Variants in AP4S1 observed in about 807,000 individuals in gnomAD.
AP4S1 encodes AP-4 complex subunit sigma-1.
A neutral mutation model predicts 19.8 loss-of-function variants in AP4S1; 23 were observed. The observed-to-expected ratio is 1.16, with a 90% CI of 0.84 to 1.65. The LOEUF is 1.65. AP4S1 is among the 40% of genes most tolerant of loss of function. The pLI, the probability that AP4S1 is intolerant of heterozygous loss-of-function variation, is 0.00. For synonymous variants in AP4S1, 46 were observed against 54.1 expected, an observed-to-expected ratio of 0.85 and a Z score of 0.66; for missense variants, 166 against 172.8, an observed-to-expected ratio of 0.96 and a Z score of 0.22.
At chr14:31,036,000 G>A (rs962663066) in intron 1 of AP4S1, among the ~76,000 whole-genome samples, 42 of 152,076 alleles carry the variant, frequency 2.8e-4, no homozygotes, top group African/African-American at 8.7e-4. Flanking sequence ...AAAGTGCTGG[G>A]ATTACAGGCG....
intron 3 of AP4S1, among the ~76,000 whole-genome samples, chr14:31,070,803 A>C (rs910016488): frequency 6.6e-6 from 1 of 152,228 alleles, no homozygotes; most frequent in African/African-American, 2.4e-5. Context: ...CTGAAATCCC[A>C]GCACTTTGGG....
chr14:31,066,862 C>T (rs551292392), intron 2 of AP4S1, among the ~76,000 whole-genome samples: 1 of 152,170 alleles, frequency 6.6e-6, no homozygotes, highest in East Asian at 1.9e-4. Context: ...GATTTAAAAA[C>T]AAAACAAATT....
chr14:31,044,681 A>G (rs559572289), intron 1 of AP4S1, among the ~76,000 whole-genome samples: 2 of 151,796 alleles, frequency 1.3e-5, no homozygotes, highest in Non-Finnish European at 2.9e-5. Context: ...ATTTGTAGAA[A>G]TGGGGTCTTG....
chr14:31,065,545 A>T (rs1241669136), intron 1 of AP4S1, among the ~76,000 whole-genome samples: 1 of 152,268 alleles, frequency 6.6e-6, no homozygotes, highest in African/African-American at 2.4e-5. Flanking sequence ...TTACCCAGCA[A>T]AATGAATGAG....
chr14:31,055,912 C>T (rs1050194984), intron 1 of AP4S1, among the ~76,000 whole-genome samples: 4 of 149,696 alleles, frequency 2.7e-5, no homozygotes, highest in African/African-American at 7.4e-5. Context: ...GGCATGATCT[C>T]GACTCACTGC....
At chr14:31,025,133 A>G (rs1195930751), upstream of AP4S1, 1 of 152,258 alleles carries the variant, frequency 6.6e-6, no homozygotes, top group Non-Finnish European at 1.5e-5. Flanking sequence ...TCATAAATAC[A>G]GCATCGATCG....
intron 1 of AP4S1, chr14:31,026,257 C>T (rs986263044): frequency 1.7e-5 from 23 of 1,332,218 alleles, no homozygotes; most frequent in Non-Finnish European, 2.0e-5. Flanking sequence ...GAGGGTGGCC[C>T]CGCGCTGGCT....
At chr14:31,033,761 A>G (rs1234664224) in intron 1 of AP4S1, among the ~76,000 whole-genome samples, 2 of 152,234 alleles carry the variant, frequency 1.3e-5, no homozygotes, top group Non-Finnish European at 2.9e-5. Flanking sequence ...CCTTTGGATA[A>G]TATTCTGTGA....
chr14:31,073,042 T>A (rs558061533), intron 4 of AP4S1, 69 bp downstream of exon 4: 2 of 1,299,170 alleles, frequency 1.5e-6, no homozygotes, highest in South Asian at 2.4e-5. Flanking sequence ...TCTCTTTGGA[T>A]CTATATCAAG....
chr14:31,075,537 T>C (rs1381025289), intron 4 of AP4S1, among the ~76,000 whole-genome samples: 3 of 152,194 alleles, frequency 2.0e-5, no homozygotes, highest in African/African-American at 7.2e-5. Context: ...CTTTTGGATA[T>C]ATACCTAATC....
chr14:31,086,004 G>A (rs2139119767), intron 5 of AP4S1: 1 of 211,514 alleles, frequency 4.7e-6, no homozygotes, highest in South Asian at 1.7e-4. Context: ...CCTGGAGAAT[G>A]ATGGTGTGCA....
At chr14:31,043,511 G>C (rs1885227204) in intron 1 of AP4S1, among the ~76,000 whole-genome samples, 1 of 152,108 alleles carries the variant, frequency 6.6e-6, no homozygotes, top group Non-Finnish European at 1.5e-5. Flanking sequence ...GAATCTGTTG[G>C]GAAGAGAATC....
At chr14:31,054,542 C>A (rs1885990422) in intron 1 of AP4S1, among the ~76,000 whole-genome samples, 1 of 151,872 alleles carries the variant, frequency 6.6e-6, no homozygotes, top group Non-Finnish European at 1.5e-5. Flanking sequence ...ATTAGCCAGG[C>A]GTGGTGGCAG....
At chr14:31,088,668 C>T (rs940462482) in intron 5 of AP4S1, among the ~76,000 whole-genome samples, 9 of 151,840 alleles carry the variant, frequency 5.9e-5, no homozygotes, top group Non-Finnish European at 4.4e-5. Flanking sequence ...ATTAGCGGGG[C>T]GTGGTGGCAC....
chr14:31,062,194 G>T (rs1421397412), intron 1 of AP4S1, among the ~76,000 whole-genome samples: 1 of 152,024 alleles, frequency 6.6e-6, no homozygotes, highest in African/African-American at 2.4e-5. Flanking sequence ...CACCTCCCAG[G>T]TTCAAGTGAT....
At position 31,045,466 on chromosome 14, in the gene AP4S1, C is replaced by G. The variant is rs1390365156; in HGVS notation, c.-72+19679C>G. 2.0e-5 allele frequency among the ~76,000 whole-genome samples: 3 copies of G among 152,098 alleles called. No homozygotes were observed. The East Asian group carries it at 5.8e-4, about 29-fold the overall frequency. Reference sequence around the variant, plus strand: ...GAGTGAGATGACATCTGCTGTGACCCTTTCCCCCTTCACTTGGCACTTGTC... The same window carrying G: ...GAGTGAGATGACATCTGCTGTGACCGTTTCCCCCTTCACTTGGCACTTGTC... On this transcript the variant is annotated intron_variant, in intron 1 of 5. Coordinates refer to ENST00000542754, the MANE Select transcript of AP4S1 (RefSeq NM_001128126.3).
chr14:31,047,087 A>G (rs934592015), intron 1 of AP4S1, among the ~76,000 whole-genome samples: 3 of 152,032 alleles, frequency 2.0e-5, no homozygotes, highest in Non-Finnish European at 4.4e-5. Context: ...CCACGTTTGT[A>G]TTTTCCCAAT....
chr14:31,091,956 C>T (rs544964763), intron 5 of AP4S1, among the ~76,000 whole-genome samples: 15 of 152,254 alleles, frequency 9.9e-5, no homozygotes, highest in African/African-American at 3.1e-4. Flanking sequence ...CATTCCAGTT[C>T]CCCTTCTTTC....
chr14:31,031,570 A>G (rs908107647), intron 1 of AP4S1, among the ~76,000 whole-genome samples: 1 of 152,226 alleles, frequency 6.6e-6, no homozygotes, highest in African/African-American at 2.4e-5. Flanking sequence ...AAAGTAAAGA[A>G]CACCAATATT....
Sources: gnomAD v4.1 joint callset for allele counts (sites outside exome capture counted in the v4.1 genomes callset) on GRCh38, gnomAD v4.1.1 for gene constraint, MANE v1.5 for transcripts, NCBI Gene and HGNC (gene_info 2026-07-23, HGNC 2026-07-21) for gene names.